SETDB2: variants seen among roughly 807,000 people sequenced by gnomAD.
The protein encoded by SETDB2 is SET domain bifurcated histone lysine methyltransferase 2, also known as histone-lysine N-methyltransferase SETDB2.
In SETDB2, 56 loss-of-function variants were observed where a neutral mutation model predicts 82.5. The observed-to-expected ratio is 0.68, with a 90% CI of 0.55 to 0.85. The LOEUF is 0.85. Among genes scored for constraint, SETDB2 ranks in the 40% least tolerant of loss-of-function variants. SETDB2 has a pLI of 0.00. For synonymous variants in SETDB2, 272 were observed against 284.9 expected (o/e 0.95, Z 0.46); for missense variants, 677 against 816.4 (o/e 0.83, Z 2.08).
rs536810243 is a variant in SETDB2 at position 49,492,751 on chromosome 13, G to C, written c.*902G>C. The C allele has an allele frequency of 6.6e-6, 1 of 152,130 alleles. No individual in the cohort carries two copies. The highest frequency in any genetic ancestry group is 2.4e-5 in the African/African-American group (1 of 41,424). The allele number at this position is 152,130 out of a possible 1,614,324, so 9.4% of individuals were successfully genotyped here. A position where few individuals can be genotyped will look rare whatever the true frequency, so the allele number is the denominator to read the frequency against. The stretch of plus-strand genomic sequence containing the variant: ...AGGCAGGTGGATTACTTGAGCCTAG[G>C]GGTTCAAGACCAGCTTGGGCAACAT... On this transcript the variant is annotated 3_prime_UTR_variant, in exon 14 of 14. Transcript: ENST00000611815.
At position 49,467,281 on chromosome 13, in the gene SETDB2, A is replaced by G. The variant is rs542639667; in HGVS notation, c.209-583A>G. ...ATGGTTTTGCATGCCTGTAATCCCAACTACTGGAGAGGCTGCGGCAGGAGA... is the reference window on the plus strand; with the variant it reads ...ATGGTTTTGCATGCCTGTAATCCCAGCTACTGGAGAGGCTGCGGCAGGAGA... On this transcript the variant is annotated intron_variant, in intron 4 of 13. Transcript: ENST00000611815. 4.4e-4 allele frequency among the ~76,000 whole-genome samples: 67 copies of G among 152,002 alleles called. No individual in the cohort carries two copies. In the South Asian group the frequency reaches 0.013, roughly 30 times the overall value.
rs759992497 is a variant in SETDB2 at position 49,476,459 on chromosome 13, A to G, written c.306-17A>G. 4 of 1,472,104 alleles carry G rather than the reference A, an allele frequency of 2.7e-6. No individual in the cohort carries two copies. The highest frequency in any genetic ancestry group is 1.3e-5 in the South Asian group (1 of 78,072). 91.2% of individuals were successfully genotyped at this position (1,472,104 alleles called of 1,614,324 possible). ...AACTATAAATTTGAGATACTAATGA[A>G]TAATTTATTTTAACAGAACAACAGA... On this transcript the variant is annotated splice_polypyrimidine_tract_variant and intron_variant, in intron 5 of 13. Coordinates refer to ENST00000611815, the MANE Select transcript of SETDB2 (RefSeq NM_001160308.3).
intron 2 of SETDB2, among the ~76,000 whole-genome samples, chr13:49,452,970 C>T (rs1048189087): frequency 6.6e-6 from 1 of 152,140 alleles, no homozygotes; most frequent in Admixed American, 6.5e-5. Flanking sequence ...AATTTCTCCA[C>T]TGTAAAGTTA....
At chr13:49,453,005 T>C (rs1482108507) in intron 2 of SETDB2, among the ~76,000 whole-genome samples, 1 of 152,130 alleles carries the variant, frequency 6.6e-6, no homozygotes, top group Admixed American at 6.5e-5. Context: ...TTCCCTGCTA[T>C]ACTCTTCGGA....
At chr13:49,489,753 G>T (rs1219442587) in intron 12 of SETDB2, among the ~76,000 whole-genome samples, 1 of 150,574 alleles carries the variant, frequency 6.6e-6, no homozygotes, top group Non-Finnish European at 1.5e-5. Flanking sequence ...GCACCACCAT[G>T]CCTGGCTAAT....
Position 49,482,791 on chromosome 13 carries a change from GGAGAGATGAGAATACTAT to G in SETDB2, c.1214_1231del (p.Arg405_Met410del). The G allele has an allele frequency of 6.2e-7, 1 of 1,612,636 alleles. No homozygotes were observed. Reference sequence around the variant, plus strand: ...AAATCTTATGGTATTGATGAAAACGGGAGAGATGAGAATACTATGAAAAATATATTTTCAAAAAAGAGG... The same window carrying G: ...AAATCTTATGGTATTGATGAAAACGGGAAAAATATATTTTCAAAAAAGAGG... On this transcript the variant is annotated inframe_deletion, in exon 9 of 14. Transcript: ENST00000611815.
At chr13:49,472,403 A>ACAATTGT (rs1444578846) in intron 5 of SETDB2, among the ~76,000 whole-genome samples, 4 of 152,188 alleles carry the variant, frequency 2.6e-5, no homozygotes, top group African/African-American at 9.7e-5. Flanking sequence ...AACACCCTGA[A>ACAATTGT]CAATTGTCAA....
At chr13:49,478,196 A>G (rs1830256091) in intron 6 of SETDB2, among the ~76,000 whole-genome samples, 1 of 152,232 alleles carries the variant, frequency 6.6e-6, no homozygotes, top group South Asian at 2.1e-4. Context: ...GGCCTCTCAT[A>G]GAGGAAACCT....
At chr13:49,466,438 T>TAA (rs35416562) in intron 4 of SETDB2, among the ~76,000 whole-genome samples, 11 of 138,594 alleles carry the variant, frequency 7.9e-5, no homozygotes, top group South Asian at 6.9e-4. Context: ...CTTGTGTCTT[T>TAA]AAAAAAAAAA....
chr13:49,489,799 T>G (rs1189933274), intron 12 of SETDB2, among the ~76,000 whole-genome samples: 1 of 149,526 alleles, frequency 6.7e-6, no homozygotes, highest in East Asian at 2.0e-4. Flanking sequence ...TTTCACCATG[T>G]TGGTCAGGCT....
In SETDB2 at chr13:49,488,724, C is replaced by CA. The variant is rs151271016; in HGVS notation, c.1917+95dup. 4.3e-5 allele frequency: 44 copies of CA among 1,028,208 alleles called. No individual in the cohort carries two copies. In the East Asian group the frequency reaches 1.0e-3, roughly 24 times the overall value. 63.7% of individuals were successfully genotyped at this position (1,028,208 alleles called of 1,614,324 possible). ...GAGGAAAATAAACAGACTCTAAAGT[C>CA]AGACCATCTGGTTAGAATTCCAGTC... On this transcript the variant is annotated intron_variant, in intron 12 of 13. Transcript: ENST00000611815.
At chr13:49,461,208 C>A in intron 4 of SETDB2, 46 bp downstream of exon 4, 2 of 1,380,068 alleles carry the variant, frequency 1.4e-6, no homozygotes, top group South Asian at 1.3e-5. Context: ...CTGATATTTT[C>A]TTGCCATGAA....
chr13:49,467,309 C>T (rs112521475), intron 4 of SETDB2, among the ~76,000 whole-genome samples: 129 of 152,018 alleles, frequency 8.5e-4, no homozygotes, highest in African/African-American at 3.1e-3. Context: ...GCAGGAGAAT[C>T]GTTTGAACCT....
intron 2 of SETDB2, among the ~76,000 whole-genome samples, chr13:49,455,426 A>G (rs1340794760): frequency 6.6e-6 from 1 of 152,172 alleles, no homozygotes; most frequent in Non-Finnish European, 1.5e-5. Flanking sequence ...TTTACCATGT[A>G]TGATTTTACA....
At chr13:49,469,822 AT>A (rs1958190944) in intron 5 of SETDB2, among the ~76,000 whole-genome samples, 1 of 151,680 alleles carries the variant, frequency 6.6e-6, no homozygotes, top group African/African-American at 2.4e-5. Flanking sequence ...GTTTCTTTTT[AT>A]TTTTTTCCTC....
chr13:49,456,855 G>C (rs1205402436), intron 2 of SETDB2, among the ~76,000 whole-genome samples: 1 of 152,092 alleles, frequency 6.6e-6, no homozygotes, highest in Non-Finnish European at 1.5e-5. Context: ...CTGTGGTTAA[G>C]GGCTTCCATA....
intron 9 of SETDB2, 120 bp downstream of exon 9, chr13:49,483,082 G>T: frequency 1.5e-6 from 1 of 681,450 alleles, no homozygotes; most frequent in Non-Finnish European, 2.5e-6. Flanking sequence ...CTTCAAAGTT[G>T]TTAAGTCTAA....
rs144284121 is a variant in SETDB2, at chr13:49,460,186, G to A, written c.96G>A (p.Leu32=). 1.2e-6 allele frequency: 2 copies of A among 1,613,274 alleles called. No individual in the cohort carries two copies. Among genetic ancestry groups the A allele is most frequent in the African/African-American group, 1.3e-5 (1 of 75,006 alleles). ...DFIFEQVQNV[L]QSLKQKIKDG... is the part of the protein sequence containing the mutation. ...TTTTTGAACAAGTACAAAATGTGCT[G>A]CAGTCACTGAAACAAAAGATCAAAG... The change falls in exon 3 of 14, where the codon CTG becomes CTA. Residue 32 remains leucine, a synonymous_variant. Transcript: ENST00000611815.
Position 49,451,787 on chromosome 13 carries a change from T to A in SETDB2, c.-107T>A. The A allele has an allele frequency of 1.3e-6, 1 of 797,608 alleles. No individual in the cohort carries two copies. Among genetic ancestry groups the A allele is most frequent in the South Asian group, 1.9e-5 (1 of 53,832 alleles). The allele number at this position is 797,608 out of a possible 1,614,324, so 49.4% of individuals were successfully genotyped here. A position where few individuals can be genotyped will look rare whatever the true frequency, so the allele number is the denominator to read the frequency against. ...ATAATGATGTATTTTGTCTGAGGAC[T>A]GCAAATTTTATAGAGACCACAGTTG... is the stretch of plus-strand genomic sequence containing the variant. On this transcript the variant is annotated 5_prime_UTR_variant, in exon 2 of 14. Transcript: ENST00000611815.
Sources: allele counts gnomAD v4.1 joint callset (sites outside exome capture counted in the v4.1 genomes callset), GRCh38; gene constraint gnomAD v4.1.1; transcripts MANE v1.5; gene names NCBI Gene and HGNC (gene_info 2026-07-23, HGNC 2026-07-21).